The following KLHL2 variants were observed in gnomAD, a reference collection of about 807,000 sequenced individuals.
KLHL2 encodes the protein kelch like family member 2, also known as kelch-like protein 2.
A neutral mutation model predicts 75.8 loss-of-function variants in KLHL2; 15 were observed. The ratio of observed to expected loss-of-function variants is 0.20; its 90% CI spans 0.13 to 0.30. The LOEUF (loss-of-function observed/expected upper bound fraction) is 0.30, where lower values mean the gene tolerates loss of function less well. Among genes scored for constraint, KLHL2 ranks in the 10% least tolerant of loss-of-function variants. The probability of loss-of-function intolerance (pLI) is 1.00; values close to 1 mark genes in which losing one functional copy is unlikely to be tolerated. For missense variants in KLHL2, 381 were observed against 741.0 expected (o/e 0.51, Z 5.64); for synonymous variants, 214 against 251.9 (o/e 0.85, Z 1.42).
In KLHL2 at chr4:165,313,138, A is replaced by G. The variant is rs563681101; in HGVS notation, c.1340-100A>G. Reference sequence around the variant, plus strand: ...CACTTTAAGGGGAAACTCTGCTGCCATGAAGGAAAATATATTAATATTTTC... The same window carrying G: ...CACTTTAAGGGGAAACTCTGCTGCCGTGAAGGAAAATATATTAATATTTTC... On this transcript the variant is annotated intron_variant, in intron 11 of 14. Transcript: ENST00000226725. 17 of 1,233,952 alleles carry G rather than the reference A, an allele frequency of 1.4e-5. No individual in the cohort carries two copies. The African/African-American group carries it at 2.0e-4, about 14-fold the overall frequency. 76.4% of individuals were successfully genotyped at this position (1,233,952 alleles called of 1,614,324 possible). A position where few individuals can be genotyped will look rare whatever the true frequency, so the allele number is the denominator to read the frequency against.
chr4:165,274,644 C>G (rs1742940757), intron 5 of KLHL2, among the ~76,000 whole-genome samples: 1 of 151,320 alleles, frequency 6.6e-6, no homozygotes, highest in African/African-American at 2.4e-5. Context: ...CACTCTCTAT[C>G]CTTTGAAAAC....
chr4:165,258,143 A>G (rs181590549), intron 4 of KLHL2, among the ~76,000 whole-genome samples: 4 of 152,272 alleles, frequency 2.6e-5, no homozygotes, highest in East Asian at 3.9e-4. Context: ...CAAGAGAGAT[A>G]TTTTGGCTTT....
intron 5 of KLHL2, among the ~76,000 whole-genome samples, chr4:165,270,047 T>G (rs1742563418): frequency 6.6e-6 from 1 of 152,214 alleles, no homozygotes; most frequent in African/African-American, 2.4e-5. Flanking sequence ...TAATCTTGTC[T>G]TCTTGCTTTA....
chr4:165,226,372 G>C (rs1198926956), intron 2 of KLHL2, among the ~76,000 whole-genome samples: 3 of 152,018 alleles, frequency 2.0e-5, no homozygotes, highest in African/African-American at 7.2e-5. Flanking sequence ...GGATTCTTTT[G>C]CTCCTTCTCG....
intron 4 of KLHL2, among the ~76,000 whole-genome samples, chr4:165,251,568 C>T (rs182502741): frequency 4.3e-4 from 65 of 150,006 alleles, no homozygotes; most frequent in African/African-American, 1.3e-3. Flanking sequence ...ATAAGAGCAT[C>T]TTATAAAGCT....
intron 8 of KLHL2, among the ~76,000 whole-genome samples, chr4:165,305,151 CTTTCT>C (rs1206951234): frequency 6.6e-6 from 1 of 152,030 alleles, no homozygotes; most frequent in Admixed American, 6.6e-5. Context: ...CTTCTTCCAT[CTTTCT>C]TTTAATACTT....
At chr4:165,263,909 T>A (rs1741934343) in intron 5 of KLHL2, among the ~76,000 whole-genome samples, 1 of 145,010 alleles carries the variant, frequency 6.9e-6, no homozygotes, top group Admixed American at 7.6e-5. Flanking sequence ...AGTAGAAAAG[T>A]AGACCAATAG....
At chr4:165,249,448 G>GAATC (rs1457886210) in intron 4 of KLHL2, among the ~76,000 whole-genome samples, 1 of 152,188 alleles carries the variant, frequency 6.6e-6, no homozygotes, top group Non-Finnish European at 1.5e-5. Context: ...GGTGAGCAGG[G>GAATC]AATCACAAGG....
intron 3 of KLHL2, among the ~76,000 whole-genome samples, chr4:165,234,518 T>C (rs936298119): frequency 3.9e-5 from 6 of 152,186 alleles, no homozygotes; most frequent in African/African-American, 1.4e-4. Flanking sequence ...TCACTTTTCA[T>C]TTATACATTG....
chr4:165,273,199 A>C (rs777055588), intron 5 of KLHL2, among the ~76,000 whole-genome samples: 1 of 152,136 alleles, frequency 6.6e-6, no homozygotes, highest in Non-Finnish European at 1.5e-5. Context: ...ATTTTACTGA[A>C]GTCTAATGTA....
chr4:165,280,201 A>G (rs1198142889), intron 5 of KLHL2, among the ~76,000 whole-genome samples: 2 of 152,234 alleles, frequency 1.3e-5, no homozygotes, highest in Admixed American at 6.5e-5. Flanking sequence ...TGTGCCTGGC[A>G]TTGCCCACAC....
rs1415542708 is a variant in KLHL2, at chr4:165,319,183, T to G, written c.1753+1214T>G. 6.6e-6 allele frequency among the ~76,000 whole-genome samples: 1 copy of G among 152,228 alleles called. No homozygotes were observed. The highest frequency in any genetic ancestry group is 1.5e-5 in the Non-Finnish European group (1 of 68,040). ...AGCTCAGCTGTTGTGAGTATCCACT[T>G]AAAAAGCTGTGGGGGGCTAATTACC... is the stretch of plus-strand genomic sequence containing the variant. On this transcript the variant is annotated intron_variant, in intron 14 of 14. Coordinates refer to ENST00000226725, the MANE Select transcript of KLHL2 (RefSeq NM_007246.4). This position sits in a 1 kb window ranked among gnomAD's most constrained non-coding sequence, Gnocchi z 4.5.
At chr4:165,218,240 T>G (rs1353421325) in intron 1 of KLHL2, among the ~76,000 whole-genome samples, 2 of 152,202 alleles carry the variant, frequency 1.3e-5, no homozygotes, top group South Asian at 2.1e-4. Context: ...ATCACTCTTT[T>G]GCAGTGTCTC....
intron 5 of KLHL2, chr4:165,278,845 T>G (rs759577598): frequency 4.6e-6 from 7 of 1,533,878 alleles, no homozygotes; most frequent in Non-Finnish European, 6.3e-6. Context: ...GGAAGCACAT[T>G]TGTCCCACCA....
At chr4:165,264,745 T>TATATAC (rs1560784203) in intron 5 of KLHL2, among the ~76,000 whole-genome samples, 3 of 82,096 alleles carry the variant, frequency 3.7e-5, no homozygotes, top group African/African-American at 5.2e-5. Flanking sequence ...TATATGTATA[T>TATATAC]ATATATATAT....
chr4:165,278,558 G>A lies in KLHL2; in HGVS notation c.544+15199G>A, dbSNP rs780897652. 8 of 1,611,038 alleles carry A rather than the reference G, an allele frequency of 5.0e-6. 1 individual carries two copies. The South Asian group carries it at 7.7e-5, about 15-fold the overall frequency. On this transcript the variant is annotated intron_variant, in intron 5 of 14. Transcript: ENST00000226725. ...ATAAGGTGCATATAACCCCGAAAAT[G>A]CTGGGACGAAGTAGCAGCCATAAGA...
intron 3 of KLHL2, among the ~76,000 whole-genome samples, chr4:165,233,962 C>T (rs1418417527): frequency 2.0e-5 from 3 of 152,164 alleles, no homozygotes; most frequent in Non-Finnish European, 4.4e-5. Flanking sequence ...TCTCTCTACC[C>T]TTCTATCCTC....
At chr4:165,287,822 C>T (rs1337748101) in intron 5 of KLHL2, among the ~76,000 whole-genome samples, 2 of 152,070 alleles carry the variant, frequency 1.3e-5, no homozygotes, top group Non-Finnish European at 2.9e-5. Flanking sequence ...TTTGGAGAAA[C>T]GTTTATTCCA....
Position 165,318,085 on chromosome 4 carries a change from A to G in KLHL2, c.1753+116A>G, listed in dbSNP as rs879240648. On this transcript the variant is annotated intron_variant, in intron 14 of 14. Coordinates refer to ENST00000226725, the MANE Select transcript of KLHL2 (RefSeq NM_007246.4). ...AGTCTTTTCTCAAGGTATAGTTTATATCTTATTCTTAAGATGATTAACATT... is the reference window on the plus strand; with the variant it reads ...AGTCTTTTCTCAAGGTATAGTTTATGTCTTATTCTTAAGATGATTAACATT... 5.2e-5 allele frequency: 47 copies of G among 901,614 alleles called. No homozygotes were observed. The South Asian group carries it at 7.2e-4, about 14-fold the overall frequency. 55.9% of individuals were successfully genotyped at this position (901,614 alleles called of 1,614,324 possible).
Sources: allele counts gnomAD v4.1 joint callset (sites outside exome capture counted in the v4.1 genomes callset), GRCh38; gene constraint gnomAD v4.1.1; non-coding constraint Gnocchi (gnomAD v3.1); transcripts MANE v1.5; gene names NCBI Gene and HGNC (gene_info 2026-07-23, HGNC 2026-07-21).